TOX: variants seen among roughly 807,000 people sequenced by gnomAD.
TOX encodes thymocyte selection-associated high mobility group box protein TOX.
Under a neutral mutation model 53.7 loss-of-function variants are expected in TOX, and 11 were observed. The ratio of observed to expected loss-of-function variants is 0.20; its 90% CI spans 0.13 to 0.34. The LOEUF is 0.34. TOX is among the 10% of genes least tolerant of loss of function. The probability of loss-of-function intolerance (pLI) is 1.00; values close to 1 mark genes in which losing one functional copy is unlikely to be tolerated. For synonymous variants in TOX, 225 were observed against 245.3 expected (o/e 0.92, Z 0.77); for missense variants, 570 against 664.6 (o/e 0.86, Z 1.56).
intron 1 of TOX, among the ~76,000 whole-genome samples, chr8:59,055,402 G>A (rs1270155167): frequency 6.6e-6 from 1 of 152,186 alleles, no homozygotes; most frequent in East Asian, 1.9e-4. Context: ...CATGAATGCT[G>A]TCCCTTCTGT....
chr8:59,066,390 C>T (rs141158724), intron 1 of TOX, among the ~76,000 whole-genome samples: 223 of 152,166 alleles, frequency 1.5e-3, no homozygotes, highest in African/African-American at 5.3e-3. Context: ...TGAGTGAAAC[C>T]ACATGGTTGC....
At chr8:58,944,655 G>A (rs1444309946) in intron 2 of TOX, among the ~76,000 whole-genome samples, 8 of 152,024 alleles carry the variant, frequency 5.3e-5, no homozygotes, top group Non-Finnish European at 7.4e-5. Context: ...AAAACCACGG[G>A]GTTCTTATAA....
At chr8:58,984,198 T>C (rs920629759) in intron 1 of TOX, among the ~76,000 whole-genome samples, 3 of 152,010 alleles carry the variant, frequency 2.0e-5, no homozygotes, top group African/African-American at 7.2e-5. Context: ...TTTATATGCA[T>C]TAAAGGACAC....
At chr8:58,959,595 G>A (rs1008489013) in intron 2 of TOX, among the ~76,000 whole-genome samples, 2 of 152,154 alleles carry the variant, frequency 1.3e-5, no homozygotes, top group African/African-American at 4.8e-5. Context: ...TTTGTGACAC[G>A]TGTAGCTTAT....
chr8:59,057,965 G>T (rs945905155), intron 1 of TOX, among the ~76,000 whole-genome samples: 16 of 152,078 alleles, frequency 1.1e-4, no homozygotes, highest in Non-Finnish European at 1.0e-4. Context: ...GACCCAAAGG[G>T]TGCTCTAGAA....
chr8:58,884,474 A>C (rs1231782799), intron 3 of TOX, among the ~76,000 whole-genome samples: 1 of 152,142 alleles, frequency 6.6e-6, no homozygotes, highest in Non-Finnish European at 1.5e-5. Context: ...TTACAGCAGT[A>C]ATAAATCATT....
intron 3 of TOX, among the ~76,000 whole-genome samples, chr8:58,912,998 A>T (rs974131934): frequency 1.3e-5 from 2 of 152,174 alleles, no homozygotes; most frequent in Non-Finnish European, 2.9e-5. Context: ...TTACTAACAA[A>T]TGAAGTTCAA....
At chr8:58,849,097 A>G (rs1455201422) in intron 4 of TOX, among the ~76,000 whole-genome samples, 1 of 152,178 alleles carries the variant, frequency 6.6e-6, no homozygotes, top group Non-Finnish European at 1.5e-5. Flanking sequence ...GAATGCTTTA[A>G]CATTTTCATC....
intron 1 of TOX, among the ~76,000 whole-genome samples, chr8:59,093,732 T>G (rs1448632342): frequency 6.6e-6 from 1 of 152,304 alleles, no homozygotes; most frequent in South Asian, 2.1e-4. Context: ...CTCAGTTAAA[T>G]AGTAGAGTTA....
chr8:59,033,203 T>C (rs1387603416), intron 1 of TOX, among the ~76,000 whole-genome samples: 1 of 152,134 alleles, frequency 6.6e-6, no homozygotes, highest in Non-Finnish European at 1.5e-5. Flanking sequence ...CCATTGTGAG[T>C]TGGACAGGAT....
intron 1 of TOX, among the ~76,000 whole-genome samples, chr8:59,014,054 GA>G (rs1382157300): frequency 2.0e-5 from 3 of 152,164 alleles, no homozygotes; most frequent in African/African-American, 7.2e-5. Flanking sequence ...ACAGGGAGAG[GA>G]AATAGTCATT....
At chr8:59,088,740 G>A (rs1171243717) in intron 1 of TOX, among the ~76,000 whole-genome samples, 1 of 152,214 alleles carries the variant, frequency 6.6e-6, no homozygotes, top group African/African-American at 2.4e-5. Context: ...TTTGGCAAAT[G>A]AGGTAGCTGT....
At chr8:58,865,991 C>A (rs1038241010) in intron 3 of TOX, among the ~76,000 whole-genome samples, 3 of 152,008 alleles carry the variant, frequency 2.0e-5, no homozygotes, top group African/African-American at 4.8e-5. Context: ...CCTGACACCA[C>A]ACTTGGCTAA....
chr8:58,996,115 T>C (rs1470427291), intron 1 of TOX, among the ~76,000 whole-genome samples: 2 of 152,204 alleles, frequency 1.3e-5, no homozygotes, highest in African/African-American at 4.8e-5. Context: ...CTCTTTTTAG[T>C]CCTGGAGAAT....
chr8:58,859,614 A>G (rs974136806), intron 3 of TOX, among the ~76,000 whole-genome samples: 7 of 152,168 alleles, frequency 4.6e-5, no homozygotes, highest in African/African-American at 1.7e-4. Context: ...TACTCTCTAG[A>G]ACCACCATCT....
At chr8:58,833,150 G>A (rs781263656) in intron 5 of TOX, among the ~76,000 whole-genome samples, 10 of 152,178 alleles carry the variant, frequency 6.6e-5, no homozygotes, top group Non-Finnish European at 1.0e-4. Context: ...TTTGGCTGCA[G>A]CTTTAAAGCC....
chr8:59,067,653 C>T (rs1029295654), intron 1 of TOX, among the ~76,000 whole-genome samples: 7 of 151,912 alleles, frequency 4.6e-5, no homozygotes, highest in South Asian at 2.1e-4. Flanking sequence ...AAGTGCTCTT[C>T]GTAAATGGCA....
intron 3 of TOX, among the ~76,000 whole-genome samples, chr8:58,911,026 T>C (rs897965358): frequency 1.3e-5 from 2 of 152,332 alleles, no homozygotes. Context: ...TATTGCTTGG[T>C]AAAATATTTC....
At chr8:58,882,428 T>A (rs1349013437) in intron 3 of TOX, among the ~76,000 whole-genome samples, 1 of 152,210 alleles carries the variant, frequency 6.6e-6, no homozygotes. Flanking sequence ...TGGTCCAAAT[T>A]TGGTCATATC....
Sources: gnomAD v4.1 joint callset for allele counts (sites outside exome capture counted in the v4.1 genomes callset) on GRCh38, gnomAD v4.1.1 for gene constraint, MANE v1.5 for transcripts, NCBI Gene and HGNC (gene_info 2026-07-23, HGNC 2026-07-21) for gene names.